Variants in MYO1D observed in about 807,000 individuals in gnomAD.
The protein encoded by MYO1D is myosin ID, also known as unconventional myosin-Id.
MYO1D carries 83 observed loss-of-function variants against 122.0 expected under a neutral mutation model. The ratio of observed to expected loss-of-function variants is 0.68; its 90% CI spans 0.57 to 0.82. The LOEUF (loss-of-function observed/expected upper bound fraction) is 0.82, where lower values mean the gene tolerates loss of function less well. MYO1D is among the 40% of genes least tolerant of loss of function. The pLI, the probability that MYO1D is intolerant of heterozygous loss-of-function variation, is 0.00. For missense variants in MYO1D, 1,157 were observed against 1,269.5 expected (o/e 0.91, Z 1.35); for synonymous variants, 464 against 446.9 (o/e 1.04, Z -0.48).
At chr17:32,654,430 T>C (rs748657220) in intron 18 of MYO1D, 47 bp downstream of exon 18, 26 of 1,541,538 alleles carry the variant, frequency 1.7e-5, no homozygotes, top group South Asian at 2.5e-5. Context: ...TTCTCTTTTT[T>C]AGTAGAGGAA....
rs753135087 is a variant in MYO1D, at chr17:32,605,108, ACTCCAACAAGTT to A, written c.2831_2842del (p.Glu944_Gly947del). The A allele has an allele frequency of 6.3e-7, 1 of 1,598,354 alleles. No individual in the cohort carries two copies. The highest frequency in any genetic ancestry group is 1.1e-5 in the South Asian group (1 of 89,310). On this transcript the variant is annotated inframe_deletion, in exon 21 of 22. Coordinates refer to ENST00000318217, the MANE Select transcript of MYO1D (RefSeq NM_015194.3). ...TTACCTCTTGAAATGATTCACCAGC[ACTCCAACAAGTT>A]CTCCAATTCGACTCTCATGGGTTGG... is the stretch of plus-strand genomic sequence containing the variant.
chr17:32,797,609 C>T (rs183770034), intron 1 of MYO1D, among the ~76,000 whole-genome samples: 38 of 152,164 alleles, frequency 2.5e-4, no homozygotes, highest in African/African-American at 8.4e-4. Flanking sequence ...AAAAATTAAA[C>T]GTCATCACAT....
chr17:32,685,284 G>A (rs185560088), intron 16 of MYO1D, among the ~76,000 whole-genome samples: 4 of 152,266 alleles, frequency 2.6e-5, no homozygotes, highest in Middle Eastern at 3.4e-3. Flanking sequence ...CAAGTAATGC[G>A]TAAGGAAACA....
intron 16 of MYO1D, among the ~76,000 whole-genome samples, chr17:32,698,757 TTA>T (rs1198026344): frequency 6.6e-6 from 1 of 152,158 alleles, no homozygotes; most frequent in African/African-American, 2.4e-5. Flanking sequence ...ACTATTTTCA[TTA>T]TATGTTTATG....
At chr17:32,571,145 T>C (rs1208816354) in intron 21 of MYO1D, among the ~76,000 whole-genome samples, 1 of 151,562 alleles carries the variant, frequency 6.6e-6, no homozygotes, top group Non-Finnish European at 1.5e-5. Context: ...GGTGCTAGAG[T>C]AGGTGAATCA....
chr17:32,719,350 C>CT lies in MYO1D; in HGVS notation c.1913+1672_1913+1673insA, dbSNP rs2089482625. ...ATAGCATCCTTAAACATCTCCTTGC[C>CT]CTTTTTTTTTTTTTTTTGAGACGGA... On this transcript the variant is annotated intron_variant, in intron 15 of 21. Coordinates refer to ENST00000318217, the MANE Select transcript of MYO1D (RefSeq NM_015194.3). Among the ~76,000 whole-genome samples the CT allele has an allele frequency of 4.5e-5, 6 of 131,982 alleles. No individual in the cohort carries two copies. In the South Asian group the frequency reaches 1.3e-3, roughly 29 times the overall value. The allele number at this position is 131,982 out of a possible 152,430, so 86.6% of individuals were successfully genotyped here.
intron 10 of MYO1D, among the ~76,000 whole-genome samples, chr17:32,756,003 A>G (rs1049154374): frequency 6.6e-6 from 1 of 152,176 alleles, no homozygotes; most frequent in African/African-American, 2.4e-5. Context: ...TCTGCCTGCC[A>G]TTAACTGTAA....
intron 5 of MYO1D, 43 bp from the exon 6 acceptor site, chr17:32,771,263 T>G (rs750191886): frequency 3.2e-5 from 44 of 1,374,502 alleles, no homozygotes; most frequent in Non-Finnish European, 4.0e-5. Flanking sequence ...AGACATACAT[T>G]GAACCAAACA....
intron 21 of MYO1D, among the ~76,000 whole-genome samples, chr17:32,500,394 T>C (rs1355516248): frequency 2.6e-5 from 4 of 152,196 alleles, no homozygotes; most frequent in African/African-American, 9.7e-5. Flanking sequence ...GCCAGATACC[T>C]GTGAACCAGA....
At chr17:32,806,376 TC>T (rs1415539608) in intron 1 of MYO1D, among the ~76,000 whole-genome samples, 1 of 152,226 alleles carries the variant, frequency 6.6e-6, no homozygotes, top group Non-Finnish European at 1.5e-5. Flanking sequence ...TTAATATGTA[TC>T]CCATTTGTAA....
chr17:32,646,201 C>G (rs994314718), intron 19 of MYO1D, among the ~76,000 whole-genome samples: 2 of 152,156 alleles, frequency 1.3e-5, no homozygotes, highest in Non-Finnish European at 2.9e-5. Flanking sequence ...TTACAAAATA[C>G]TTTTAACTAT....
intron 21 of MYO1D, among the ~76,000 whole-genome samples, chr17:32,514,299 C>T (rs1416325882): frequency 1.3e-5 from 2 of 149,336 alleles, no homozygotes; most frequent in Admixed American, 6.7e-5. Flanking sequence ...TCCTATGTTG[C>T]CCTGGCTGGT....
intron 21 of MYO1D, chr17:32,512,768 G>A (rs759316540): frequency 1.3e-5 from 2 of 152,162 alleles, no homozygotes; most frequent in Non-Finnish European, 2.9e-5. Context: ...CTTTAATAAC[G>A]TCCCTCAAGC....
chr17:32,660,419 C>T (rs570871068), intron 16 of MYO1D, among the ~76,000 whole-genome samples: 53 of 152,302 alleles, frequency 3.5e-4, no homozygotes, highest in African/African-American at 1.3e-3. Context: ...AAATCCCCGT[C>T]TGTGCCCACC....
chr17:32,579,368 C>T (rs979307540), intron 21 of MYO1D, among the ~76,000 whole-genome samples: 1 of 152,158 alleles, frequency 6.6e-6, no homozygotes, highest in African/African-American at 2.4e-5. Flanking sequence ...CACGTCCAGC[C>T]CAATGTATTT....
At chr17:32,632,960 A>G (rs2088042191) in intron 20 of MYO1D, among the ~76,000 whole-genome samples, 1 of 152,186 alleles carries the variant, frequency 6.6e-6, no homozygotes, top group African/African-American at 2.4e-5. Context: ...TCCCCCGCAC[A>G]GAACACAAAA....
chr17:32,778,487 C>G lies in MYO1D; in HGVS notation c.391G>C (p.Val131Leu). Residue 131 changes from valine to leucine, a missense_variant, in exon 3 of 22, where the codon GTT (valine) becomes CTT (leucine). Physicochemically the swap from Val to Leu is conservative, Grantham distance 32. Transcript: ENST00000318217. Reference protein sequence around the residue: ...AITNPSQRAEVERVKNMLLKS... With the variant: ...AITNPSQRAELERVKNMLLKS... ...TTATTAGAGTGCTCTTACCTTTCAA[C>G]CTCTGCTCTCTGACTGGGGTTGGTG... 1.2e-6 allele frequency: 2 copies of G among 1,612,766 alleles called. No individual in the cohort carries two copies. The highest frequency in any genetic ancestry group is 1.7e-6 in the Non-Finnish European group (2 of 1,178,774).
At chr17:32,820,061 G>C (rs1357900722) in intron 1 of MYO1D, among the ~76,000 whole-genome samples, 2 of 152,144 alleles carry the variant, frequency 1.3e-5, no homozygotes, top group African/African-American at 4.8e-5. Context: ...GGAATCAAGT[G>C]GTTCAAAACA....
intron 16 of MYO1D, among the ~76,000 whole-genome samples, chr17:32,676,351 ATTTT>A (rs376940405): frequency 7.6e-6 from 1 of 132,432 alleles, no homozygotes; most frequent in African/African-American, 2.8e-5. Context: ...TTGTTTCTCT[ATTTT>A]TTTTTTTTTT....
Sources: gnomAD v4.1 joint callset for allele counts (sites outside exome capture counted in the v4.1 genomes callset) on GRCh38, gnomAD v4.1.1 for gene constraint, MANE v1.5 for transcripts, NCBI Gene and HGNC (gene_info 2026-07-23, HGNC 2026-07-21) for gene names.